Variants in TMEFF2 observed in about 807,000 individuals in gnomAD.
TMEFF2 encodes the protein tomoregulin-2.
TMEFF2 carries 28 observed loss-of-function variants against 53.8 expected under a neutral mutation model. That is an observed-to-expected ratio of 0.52 (90% CI 0.39 to 0.71). The LOEUF (loss-of-function observed/expected upper bound fraction) is 0.71. Among genes scored for constraint, TMEFF2 ranks in the 30% least tolerant of loss-of-function variants. The pLI, the probability that TMEFF2 is intolerant of heterozygous loss-of-function variation, is 0.00. For synonymous variants in TMEFF2, 162 were observed against 166.3 expected (o/e 0.97, Z 0.20); for missense variants, 353 against 455.2 (o/e 0.78, Z 2.04).
intron 7 of TMEFF2, among the ~76,000 whole-genome samples, chr2:191,972,529 A>G (rs1479755845): frequency 6.6e-6 from 1 of 151,702 alleles, no homozygotes; most frequent in Non-Finnish European, 1.5e-5. Context: ...CTAAAAATTG[A>G]TCATTAAGGG....
chr2:192,177,742 T>C (rs1322647401), intron 4 of TMEFF2: 1 of 151,122 alleles, frequency 6.6e-6, no homozygotes, highest in African/African-American at 2.4e-5. Context: ...GTTTCACTTA[T>C]ATGGTATAAG....
At chr2:192,027,927 A>G (rs1687011991) in intron 5 of TMEFF2, 3 of 151,862 alleles carry the variant, frequency 2.0e-5, no homozygotes, top group Admixed American at 6.6e-5. Context: ...AGTCATGGGA[A>G]CTCGTGAGAC....
At chr2:192,175,364 A>G (rs1574436416) in intron 4 of TMEFF2, among the ~76,000 whole-genome samples, 1 of 151,708 alleles carries the variant, frequency 6.6e-6, no homozygotes, top group South Asian at 2.1e-4. Context: ...GTTCTATCCA[A>G]TATGTATATG....
intron 5 of TMEFF2, among the ~76,000 whole-genome samples, chr2:192,052,919 T>G (rs1368529389): frequency 6.6e-6 from 1 of 152,202 alleles, no homozygotes; most frequent in Non-Finnish European, 1.5e-5. Context: ...TAACCCTCTT[T>G]TGGAAGCTTA....
At chr2:192,134,455 TACAAGCC>T (rs1406674277) in intron 4 of TMEFF2, among the ~76,000 whole-genome samples, 1 of 152,202 alleles carries the variant, frequency 6.6e-6, no homozygotes, top group Non-Finnish European at 1.5e-5. Flanking sequence ...CATGCTATAA[TACAAGCC>T]ACTAGCCCGC....
At chr2:192,122,556 T>C (rs187290505) in intron 4 of TMEFF2, among the ~76,000 whole-genome samples, 4 of 152,262 alleles carry the variant, frequency 2.6e-5, no homozygotes, top group Admixed American at 2.0e-4. Context: ...ATATGGTGTA[T>C]GGTACTGCAT....
intron 4 of TMEFF2, among the ~76,000 whole-genome samples, chr2:192,110,045 A>C (rs1689239654): frequency 6.6e-6 from 1 of 152,104 alleles, no homozygotes; most frequent in Non-Finnish European, 1.5e-5. Flanking sequence ...GGAGTCTGTG[A>C]CTATTCACTG....
intron 4 of TMEFF2, among the ~76,000 whole-genome samples, chr2:192,170,797 AC>A (rs1328852209): frequency 2.6e-5 from 4 of 152,076 alleles, no homozygotes; most frequent in Non-Finnish European, 5.9e-5. Flanking sequence ...TTACTAAGTG[AC>A]AGGCACTGGA....
intron 7 of TMEFF2, among the ~76,000 whole-genome samples, chr2:191,989,249 A>C (rs1686049668): frequency 6.6e-6 from 1 of 152,152 alleles, no homozygotes; most frequent in Non-Finnish European, 1.5e-5. Context: ...TTTTATCCTG[A>C]TTAAATTTAC....
intron 5 of TMEFF2, among the ~76,000 whole-genome samples, chr2:192,034,450 T>C (rs1687232657): frequency 6.6e-6 from 1 of 152,212 alleles, no homozygotes. Context: ...ATGTTGCACG[T>C]TGTAGGAACA....
intron 4 of TMEFF2, among the ~76,000 whole-genome samples, chr2:192,106,418 GAAT>G (rs577284437): frequency 7.3e-5 from 11 of 151,648 alleles, no homozygotes; most frequent in African/African-American, 2.4e-4. Flanking sequence ...TCTTATTATA[GAAT>G]AAATGTATAA....
Position 191,950,244 on chromosome 2 carries a change from TTGTCTA to T in TMEFF2, c.*61_*66del. 1 of 1,513,734 alleles carries T rather than the reference TTGTCTA, an allele frequency of 6.6e-7. No individual in the cohort carries two copies. Among genetic ancestry groups the T allele is most frequent in the Admixed American group, 2.0e-5 (1 of 49,680 alleles). The allele number at this position is 1,513,734 out of a possible 1,614,324, so 93.8% of individuals were successfully genotyped here. ...TGTGTAGATCTCTTGTCTTATTCTTTTGTCTATAATACTGTATTGTGTAGTCCAAGC... is the reference window on the plus strand; with the variant it reads ...TGTGTAGATCTCTTGTCTTATTCTTTTAATACTGTATTGTGTAGTCCAAGC... On this transcript the variant is annotated 3_prime_UTR_variant, in exon 10 of 10. Transcript: ENST00000272771.
At chr2:192,023,803 T>G (rs1035265621) in intron 5 of TMEFF2, among the ~76,000 whole-genome samples, 5 of 152,168 alleles carry the variant, frequency 3.3e-5, no homozygotes, top group Admixed American at 1.3e-4. Context: ...TAGCTCCTTT[T>G]TAGTGATATG....
intron 5 of TMEFF2, among the ~76,000 whole-genome samples, chr2:192,005,569 C>G (rs1050923931): frequency 6.6e-6 from 1 of 152,186 alleles, no homozygotes; most frequent in East Asian, 1.9e-4. Context: ...ATACAATATT[C>G]CTAGTTAGTT....
chr2:191,949,713 C>A lies in TMEFF2; in HGVS notation c.*598G>T, dbSNP rs563862126. 5.1e-6 allele frequency: 5 copies of A among 985,274 alleles called. No individual in the cohort carries two copies. The South Asian group carries it at 1.9e-4, about 37-fold the overall frequency. 61.0% of individuals were successfully genotyped at this position (985,274 alleles called of 1,614,324 possible). ...CTTCTTCTTTTATTTAGTTTATATG[C>A]CAGAGATTTTTCTGCTCTAGGGATG... On this transcript the variant is annotated 3_prime_UTR_variant, in exon 10 of 10. Transcript: ENST00000272771.
At chr2:192,187,478 C>T (rs1342294822) in intron 2 of TMEFF2, among the ~76,000 whole-genome samples, 1 of 152,126 alleles carries the variant, frequency 6.6e-6, no homozygotes, top group Non-Finnish European at 1.5e-5. Flanking sequence ...ATGAAATAGC[C>T]TAACTACTGC....
At chr2:192,127,077 G>C (rs1399767299) in intron 4 of TMEFF2, among the ~76,000 whole-genome samples, 1 of 152,150 alleles carries the variant, frequency 6.6e-6, no homozygotes, top group East Asian at 1.9e-4. Context: ...GAGATTATTA[G>C]TGCCAAGCAA....
chr2:192,022,766 G>C (rs1054781194), intron 5 of TMEFF2, among the ~76,000 whole-genome samples: 3 of 152,078 alleles, frequency 2.0e-5, no homozygotes, highest in African/African-American at 7.2e-5. Context: ...CAGGAAAGCA[G>C]TTTTTGAGTC....
intron 4 of TMEFF2, among the ~76,000 whole-genome samples, chr2:192,090,814 G>A (rs1688773334): frequency 6.6e-6 from 1 of 152,152 alleles, no homozygotes; most frequent in Non-Finnish European, 1.5e-5. Flanking sequence ...ATTGAACAGA[G>A]CAGGTATGAT....
Sources: gnomAD v4.1 joint callset for allele counts (sites outside exome capture counted in the v4.1 genomes callset) on GRCh38, gnomAD v4.1.1 for gene constraint, MANE v1.5 for transcripts, NCBI Gene and HGNC (gene_info 2026-07-23, HGNC 2026-07-21) for gene names.